SEMA5A: variants seen among roughly 807,000 people sequenced by gnomAD.
SEMA5A encodes semaphorin 5A, also known as semaphorin-5A.
A neutral mutation model predicts 135.5 loss-of-function variants in SEMA5A; 55 were observed. That is an observed-to-expected ratio of 0.41 (90% CI 0.33 to 0.51). SEMA5A has a LOEUF of 0.51. SEMA5A is among the 20% of genes least tolerant of loss of function. The pLI is 0.37. For missense variants in SEMA5A, 1,290 were observed against 1,419.9 expected, an observed-to-expected ratio of 0.91 and a Z score of 1.47; for synonymous variants, 580 against 546.5, an observed-to-expected ratio of 1.06 and a Z score of -0.85.
chr5:9,292,536 A>C (rs1308424997), intron 5 of SEMA5A, among the ~76,000 whole-genome samples: 13 of 152,200 alleles, frequency 8.5e-5, no homozygotes, highest in Non-Finnish European at 1.5e-5. Context: ...GATGTCAGGT[A>C]AATAAATGGT....
chr5:9,450,754 AT>A (rs1758612506), intron 1 of SEMA5A, among the ~76,000 whole-genome samples: 1 of 150,884 alleles, frequency 6.6e-6, no homozygotes. Flanking sequence ...GATCTACCAC[AT>A]CAAAAAAAAA....
intron 11 of SEMA5A, among the ~76,000 whole-genome samples, chr5:9,159,732 A>G (rs527615579): frequency 1.3e-5 from 2 of 152,348 alleles, no homozygotes; most frequent in South Asian, 2.1e-4. Context: ...AAATCATTCT[A>G]CTATAAAGCC....
chr5:9,509,011 A>C (rs1233129930), intron 1 of SEMA5A, among the ~76,000 whole-genome samples: 2 of 152,098 alleles, frequency 1.3e-5, no homozygotes, highest in Non-Finnish European at 2.9e-5. Flanking sequence ...TCAATGACTT[A>C]AAAAGAGAAG....
chr5:9,197,257 T>A lies in SEMA5A; in HGVS notation c.979A>T (p.Ile327Phe), dbSNP rs775089146. 13 of 1,614,062 alleles carry A rather than the reference T, an allele frequency of 8.1e-6. No homozygotes were observed. The highest frequency in any genetic ancestry group is 1.7e-5 in the Admixed American group (1 of 60,002). ...SAVCVFNLSA[I>F]AQAFSGPFKY... The stretch of plus-strand genomic sequence containing the variant: ...AAGGGCCCAGAGAAGGCCTGCGCGA[T>A]GGCGCTCAGGTTGAAGACGCACACA... Residue 327 changes from isoleucine to phenylalanine, a missense_variant, in exon 10 of 23, where the codon ATC becomes TTC. Physicochemically the swap from Ile to Phe is conservative, Grantham distance 21. Around this residue, in one of 3 missense-constraint regions of SEMA5A, gnomAD observed 1,029 missense variants for 1,086.6 expected, o/e 0.95. Transcript: ENST00000382496.
chr5:9,347,628 C>A (rs1193416976), intron 3 of SEMA5A, among the ~76,000 whole-genome samples: 1 of 151,992 alleles, frequency 6.6e-6, no homozygotes, highest in Non-Finnish European at 1.5e-5. Flanking sequence ...ATACTAACCA[C>A]CAACCTGTGA....
intron 5 of SEMA5A, among the ~76,000 whole-genome samples, chr5:9,307,983 A>G (rs1175617431): frequency 6.6e-6 from 1 of 152,232 alleles, no homozygotes; most frequent in Non-Finnish European, 1.5e-5. Flanking sequence ...GAGAGTTATT[A>G]GAAATTAAGA....
intron 1 of SEMA5A, among the ~76,000 whole-genome samples, chr5:9,472,078 G>A (rs2126756483): frequency 6.6e-6 from 1 of 152,336 alleles, no homozygotes; most frequent in East Asian, 1.9e-4. Flanking sequence ...CATGTGCCAT[G>A]TTGGTGTGCT....
At chr5:9,245,247 C>A (rs180992463) in intron 5 of SEMA5A, among the ~76,000 whole-genome samples, 1 of 152,044 alleles carries the variant, frequency 6.6e-6, no homozygotes, top group Non-Finnish European at 1.5e-5. Flanking sequence ...GTCTATGTTC[C>A]CTGCCTATTA....
At chr5:9,440,462 G>T (rs1378065743) in intron 1 of SEMA5A, among the ~76,000 whole-genome samples, 1 of 151,930 alleles carries the variant, frequency 6.6e-6, no homozygotes. Flanking sequence ...TTCTCTTTTA[G>T]CTTAGCTTTA....
chr5:9,037,858 G>GAAAT lies in SEMA5A; in HGVS notation c.*5035_*5038dup, dbSNP rs1465221595. 1 of 152,146 alleles carries GAAAT rather than the reference G, an allele frequency of 6.6e-6. No homozygotes were observed. The highest frequency in any genetic ancestry group is 1.5e-5 in the Non-Finnish European group (1 of 68,024). 9.4% of individuals were successfully genotyped at this position (152,146 alleles called of 1,614,324 possible). A position where few individuals can be genotyped will look rare whatever the true frequency, so the allele number is the denominator to read the frequency against. On this transcript the variant is annotated 3_prime_UTR_variant, in exon 23 of 23. Coordinates refer to ENST00000382496, the MANE Select transcript of SEMA5A (RefSeq NM_003966.3). ...ATGACCTCAATAGGGCAGAATAGCA[G>GAAAT]AAATAAATTTCACGATGATCCCCTG...
intron 15 of SEMA5A, among the ~76,000 whole-genome samples, chr5:9,111,600 T>C (rs1186168284): frequency 6.6e-6 from 1 of 152,154 alleles, no homozygotes; most frequent in African/African-American, 2.4e-5. Flanking sequence ...CTTTCTCCTA[T>C]AGTAGTCCAT....
intron 2 of SEMA5A, among the ~76,000 whole-genome samples, chr5:9,380,443 T>C (rs1240719431): frequency 1.3e-5 from 2 of 152,212 alleles, no homozygotes; most frequent in Non-Finnish European, 2.9e-5. Flanking sequence ...CATCCCTTTT[T>C]AACATTTAAA....
intron 12 of SEMA5A, among the ~76,000 whole-genome samples, chr5:9,140,569 G>C (rs918436111): frequency 6.6e-6 from 1 of 152,156 alleles, no homozygotes; most frequent in African/African-American, 2.4e-5. Flanking sequence ...ACTCCACCTG[G>C]CTGTGCCAAT....
intron 12 of SEMA5A, among the ~76,000 whole-genome samples, chr5:9,138,167 T>C (rs541899141): frequency 6.6e-6 from 1 of 152,298 alleles, no homozygotes; most frequent in African/African-American, 2.4e-5. Flanking sequence ...ATAACCTCAT[T>C]AAAACTCCTT....
At chr5:9,221,566 T>A (rs1298077819) in intron 8 of SEMA5A, among the ~76,000 whole-genome samples, 2 of 152,208 alleles carry the variant, frequency 1.3e-5, no homozygotes, top group East Asian at 3.9e-4. Flanking sequence ...CCTCCCAAAG[T>A]GCTGGGATTA....
At chr5:9,080,146 C>A (rs1579354621) in intron 16 of SEMA5A, among the ~76,000 whole-genome samples, 1 of 152,068 alleles carries the variant, frequency 6.6e-6, no homozygotes, top group South Asian at 2.1e-4. Flanking sequence ...TGGAAACAAC[C>A]CAAAATACCT....
intron 3 of SEMA5A, among the ~76,000 whole-genome samples, chr5:9,377,010 C>G (rs1450331661): frequency 6.6e-6 from 1 of 151,498 alleles, no homozygotes; most frequent in Non-Finnish European, 1.5e-5. Flanking sequence ...AAACACTATC[C>G]ATGGTCACAA....
intron 1 of SEMA5A, among the ~76,000 whole-genome samples, chr5:9,478,893 T>C (rs904252852): frequency 2.0e-5 from 3 of 152,150 alleles, no homozygotes; most frequent in Non-Finnish European, 4.4e-5. Flanking sequence ...GGTGGGATGA[T>C]ATGGCTTGGC....
chr5:9,462,802 A>G (rs1759106269), intron 1 of SEMA5A, among the ~76,000 whole-genome samples: 1 of 152,130 alleles, frequency 6.6e-6, no homozygotes, highest in South Asian at 2.1e-4. Flanking sequence ...AAAGAGAAGA[A>G]TAACAGATAC....
Sources: allele counts gnomAD v4.1 joint callset (sites outside exome capture counted in the v4.1 genomes callset), GRCh38; gene constraint gnomAD v4.1.1; regional missense constraint gnomAD v4.1.1; transcripts MANE v1.5; gene names NCBI Gene and HGNC (gene_info 2026-07-23, HGNC 2026-07-21).